CAMTA1: variants seen among roughly 807,000 people sequenced by gnomAD.
The protein encoded by CAMTA1 is calmodulin binding transcription activator 1, also known as calmodulin-binding transcription activator 1.
Under a neutral mutation model 170.9 loss-of-function variants are expected in CAMTA1, and 27 were observed. That is an observed-to-expected ratio of 0.16 (90% CI 0.12 to 0.22). CAMTA1 has a LOEUF of 0.22. Among genes scored for constraint, CAMTA1 ranks in the 10% least tolerant of loss-of-function variants. The probability of loss-of-function intolerance (pLI) is 1.00; values close to 1 mark genes in which losing one functional copy is unlikely to be tolerated. For missense variants in CAMTA1, 1,619 were observed against 2,217.2 expected, an observed-to-expected ratio of 0.73 and a Z score of 5.42; for synonymous variants, 833 against 891.5, an observed-to-expected ratio of 0.93 and a Z score of 1.17.
intron 6 of CAMTA1, among the ~76,000 whole-genome samples, chr1:7,622,689 A>G (rs2095606935): frequency 6.6e-6 from 1 of 152,208 alleles, no homozygotes; most frequent in African/African-American, 2.4e-5. Flanking sequence ...TAAGAGATTG[A>G]ATCTTCTGTT....
At chr1:7,525,493 C>T (rs190197059) in intron 6 of CAMTA1, among the ~76,000 whole-genome samples, 33 of 152,118 alleles carry the variant, frequency 2.2e-4, no homozygotes, top group Non-Finnish European at 3.1e-4. Context: ...CAAATCTCTT[C>T]AATAATATTA....
intron 3 of CAMTA1, among the ~76,000 whole-genome samples, chr1:6,985,411 C>T (rs568653620): frequency 3.7e-4 from 57 of 152,262 alleles, no homozygotes; most frequent in South Asian, 8.3e-4. Context: ...ATTTTCTCCA[C>T]GAAAAGAAGA....
chr1:7,500,341 T>G (rs2093982258), intron 6 of CAMTA1, among the ~76,000 whole-genome samples: 1 of 149,784 alleles, frequency 6.7e-6, no homozygotes, highest in Admixed American at 6.7e-5. Flanking sequence ...GAGGATGGTG[T>G]GAGCCTGGTG....
chr1:7,102,022 C>A (rs1642784601), intron 4 of CAMTA1, among the ~76,000 whole-genome samples: 1 of 109,180 alleles, frequency 9.2e-6, no homozygotes, highest in Non-Finnish European at 1.9e-5. Context: ...CATAAATACA[C>A]AACACACACA....
intron 5 of CAMTA1, among the ~76,000 whole-genome samples, chr1:7,270,379 C>T (rs551765940): frequency 7.2e-4 from 107 of 149,362 alleles, no homozygotes; most frequent in Non-Finnish European, 1.3e-3. Context: ...ACTGCAACCT[C>T]TGCCTCCCAG....
intron 3 of CAMTA1, among the ~76,000 whole-genome samples, chr1:6,897,580 TA>T (rs1675917726): frequency 6.6e-6 from 1 of 152,232 alleles, no homozygotes; most frequent in African/African-American, 2.4e-5. Context: ...CATCTCCCTT[TA>T]CCTACCTGGT....
chr1:7,448,434 T>C (rs2092733105), intron 5 of CAMTA1, among the ~76,000 whole-genome samples: 2 of 152,072 alleles, frequency 1.3e-5, no homozygotes, highest in Non-Finnish European at 2.9e-5. Flanking sequence ...CTGAGGCCTC[T>C]GTGGAGGCCG....
intron 6 of CAMTA1, among the ~76,000 whole-genome samples, chr1:7,604,554 T>C (rs61179016): frequency 0.21 from 32,499 of 152,140 alleles, 4,866 homozygotes; most frequent in African/African-American, 0.42. Flanking sequence ...GCTTTCTCTG[T>C]ATTGGTTATT....
intron 1 of CAMTA1, among the ~76,000 whole-genome samples, chr1:6,786,266 A>G (rs1267545831): frequency 6.6e-6 from 1 of 151,504 alleles, no homozygotes; most frequent in Non-Finnish European, 1.5e-5. Context: ...CTTCCCGGGA[A>G]GGGAAGGGGG....
intron 6 of CAMTA1, among the ~76,000 whole-genome samples, chr1:7,506,390 C>A (rs1413216437): frequency 2.0e-5 from 3 of 152,168 alleles, no homozygotes; most frequent in Admixed American, 6.5e-5. Flanking sequence ...AACCCACCAC[C>A]GGACACCTGT....
intron 6 of CAMTA1, among the ~76,000 whole-genome samples, chr1:7,589,831 G>T (rs115450054): frequency 0.011 from 1,734 of 152,222 alleles, 28 homozygotes; most frequent in African/African-American, 0.039. Context: ...ACCTCCCGAG[G>T]CCCCTCCATC....
chr1:7,622,413 A>G lies in CAMTA1; in HGVS notation c.511-17987A>G, dbSNP rs138793147. Reference sequence around the variant, plus strand: ...TTTCCATCATCTGGCTGCAGGCAAGATAACAGATTGGTGTATTCTTTCTAT... The same window carrying G: ...TTTCCATCATCTGGCTGCAGGCAAGGTAACAGATTGGTGTATTCTTTCTAT... On this transcript the variant is annotated intron_variant, in intron 6 of 22. Coordinates refer to ENST00000303635, the MANE Select transcript of CAMTA1 (RefSeq NM_015215.4). 2.0e-5 allele frequency among the ~76,000 whole-genome samples: 3 copies of G among 152,372 alleles called. No homozygotes were observed. The East Asian group carries it at 5.8e-4, about 29-fold the overall frequency.
chr1:7,132,770 C>G (rs866637719), intron 4 of CAMTA1, among the ~76,000 whole-genome samples: 17 of 152,272 alleles, frequency 1.1e-4, no homozygotes, highest in Middle Eastern at 3.4e-3. Flanking sequence ...ATACTATCAG[C>G]TAGACTAAAA....
intron 4 of CAMTA1, among the ~76,000 whole-genome samples, chr1:7,121,052 C>T (rs1644611708): frequency 6.6e-6 from 1 of 152,196 alleles, no homozygotes. Context: ...CTCTGTACTG[C>T]CTCCTAGGGG....
intron 5 of CAMTA1, among the ~76,000 whole-genome samples, chr1:7,295,978 G>A (rs908822991): frequency 7.9e-5 from 12 of 152,354 alleles, no homozygotes; most frequent in African/African-American, 2.2e-4. Context: ...GGCCAGGGCC[G>A]TGGTCATTGC....
At chr1:7,170,829 A>G (rs1365974529) in intron 4 of CAMTA1, among the ~76,000 whole-genome samples, 1 of 151,950 alleles carries the variant, frequency 6.6e-6, no homozygotes, top group Non-Finnish European at 1.5e-5. Context: ...TTTGGTCTGT[A>G]GTTCACTTCA....
At chr1:7,421,273 C>T (rs547620313) in intron 5 of CAMTA1, among the ~76,000 whole-genome samples, 1 of 152,120 alleles carries the variant, frequency 6.6e-6, no homozygotes, top group South Asian at 2.1e-4. Context: ...CTGCCTCAGC[C>T]TCCCGAGTAG....
chr1:7,498,330 G>T (rs2093873919), intron 6 of CAMTA1, among the ~76,000 whole-genome samples: 1 of 151,046 alleles, frequency 6.6e-6, no homozygotes, highest in Non-Finnish European at 1.5e-5. Flanking sequence ...AAGAGTGAGT[G>T]TGGATGTGTA....
chr1:6,791,276 G>A (rs866168974), intron 1 of CAMTA1, among the ~76,000 whole-genome samples: 2 of 152,128 alleles, frequency 1.3e-5, no homozygotes, highest in Middle Eastern at 3.4e-3. Flanking sequence ...TGTATTTGTA[G>A]CCTTTTAGTA....
Sources: gnomAD v4.1 joint callset for allele counts (sites outside exome capture counted in the v4.1 genomes callset) on GRCh38, gnomAD v4.1.1 for gene constraint, MANE v1.5 for transcripts, NCBI Gene and HGNC (gene_info 2026-07-23, HGNC 2026-07-21) for gene names.